Variants in CSMD3 observed in about 807,000 individuals in gnomAD.
The protein encoded by CSMD3 is CUB and Sushi multiple domains 3, also known as CUB and sushi domain-containing protein 3.
CSMD3 carries 177 observed loss-of-function variants against 435.2 expected under a neutral mutation model. That is an observed-to-expected ratio of 0.41 (90% CI 0.36 to 0.46). The LOEUF is 0.46. CSMD3 is among the 20% of genes least tolerant of loss of function. CSMD3 has a pLI of 0.34. For synonymous variants in CSMD3, 1,656 were observed against 1,520.5 expected (o/e 1.09, Z -2.07); for missense variants, 4,265 against 4,504.6 (o/e 0.95, Z 1.52).
At chr8:113,255,050 A>T (rs1315033297) in intron 3 of CSMD3, among the ~76,000 whole-genome samples, 1 of 152,178 alleles carries the variant, frequency 6.6e-6, no homozygotes, top group Non-Finnish European at 1.5e-5. Context: ...GGCAAGGACA[A>T]GCATTTCTTA....
intron 50 of CSMD3, among the ~76,000 whole-genome samples, chr8:112,309,101 A>G (rs1821713615): frequency 6.6e-6 from 1 of 152,010 alleles, no homozygotes; most frequent in South Asian, 2.1e-4. Flanking sequence ...TTTTTAAACT[A>G]TATTTCAACT....
chr8:112,854,868 C>T (rs951103444), intron 11 of CSMD3, among the ~76,000 whole-genome samples: 2 of 152,126 alleles, frequency 1.3e-5, no homozygotes, highest in South Asian at 4.1e-4. Flanking sequence ...ATATCCACCA[C>T]CATCACCTTT....
chr8:112,703,053 G>A (rs1388982292), intron 13 of CSMD3, among the ~76,000 whole-genome samples: 1 of 152,070 alleles, frequency 6.6e-6, no homozygotes, highest in East Asian at 1.9e-4. Flanking sequence ...AATTTAGCTA[G>A]CATCCTACTG....
chr8:112,341,824 T>A, intron 41 of CSMD3, 138 bp from the exon 42 acceptor site: 1 of 703,134 alleles, frequency 1.4e-6, no homozygotes, highest in Non-Finnish European at 2.5e-6. Context: ...ATCTGAGTCA[T>A]GGATTTGCTG....
chr8:113,194,671 T>A (rs2092630435), intron 3 of CSMD3, among the ~76,000 whole-genome samples: 1 of 151,152 alleles, frequency 6.6e-6, no homozygotes, highest in South Asian at 2.1e-4. Flanking sequence ...ACTTTCTGTA[T>A]TTTCTGCTCA....
At chr8:112,237,891 C>T (rs751410217) in intron 66 of CSMD3, among the ~76,000 whole-genome samples, 1 of 151,964 alleles carries the variant, frequency 6.6e-6, no homozygotes, top group Non-Finnish European at 1.5e-5. Context: ...CAGGGCTGCA[C>T]CATATTGATA....
At chr8:113,412,275 G>C (rs1330787883) in intron 1 of CSMD3, among the ~76,000 whole-genome samples, 1 of 152,130 alleles carries the variant, frequency 6.6e-6, no homozygotes, top group East Asian at 1.9e-4. Flanking sequence ...TCTTTTGGCA[G>C]TGTCTATAAA....
chr8:113,360,175 G>A (rs1196657295), intron 1 of CSMD3, among the ~76,000 whole-genome samples: 1 of 152,112 alleles, frequency 6.6e-6, no homozygotes, highest in Non-Finnish European at 1.5e-5. Flanking sequence ...TTGGGATGGT[G>A]GTGGGATGAG....
intron 22 of CSMD3, among the ~76,000 whole-genome samples, chr8:112,610,103 A>C (rs1311364355): frequency 6.6e-6 from 1 of 152,118 alleles, no homozygotes; most frequent in East Asian, 1.9e-4. Context: ...ACACAGCATG[A>C]TTACTATAGT....
intron 61 of CSMD3, chr8:112,255,796 C>G: frequency 3.9e-6 from 1 of 257,174 alleles, no homozygotes; most frequent in East Asian, 1.1e-4. Flanking sequence ...GTGTCCCTGT[C>G]AAAAAGAAGC....
At chr8:112,721,043 C>A (rs566118108) in intron 13 of CSMD3, among the ~76,000 whole-genome samples, 2 of 152,114 alleles carry the variant, frequency 1.3e-5, no homozygotes, top group East Asian at 3.9e-4. Context: ...CAGGGTCTAT[C>A]AAGAAGTTAG....
At chr8:113,129,424 C>A (rs1208766971) in intron 4 of CSMD3, among the ~76,000 whole-genome samples, 1 of 151,746 alleles carries the variant, frequency 6.6e-6, no homozygotes, top group African/African-American at 2.4e-5. Flanking sequence ...TAAGGCCAGG[C>A]CACTCAGGCT....
intron 5 of CSMD3, among the ~76,000 whole-genome samples, chr8:113,085,863 A>G (rs1475568489): frequency 6.6e-6 from 1 of 152,182 alleles, no homozygotes. Flanking sequence ...TTCTAGAACA[A>G]TAGAGGATGA....
chr8:112,704,142 TTC>T (rs372978462), intron 13 of CSMD3, among the ~76,000 whole-genome samples: 19 of 151,452 alleles, frequency 1.3e-4, no homozygotes, highest in Admixed American at 7.9e-4. Context: ...ACATATTTAA[TTC>T]TCTCTCTCTC....
At chr8:112,752,220 G>A (rs1252848924) in intron 13 of CSMD3, among the ~76,000 whole-genome samples, 1 of 152,048 alleles carries the variant, frequency 6.6e-6, no homozygotes, top group African/African-American at 2.4e-5. Flanking sequence ...ATACTCTGTT[G>A]GTTTTTCTCC....
intron 1 of CSMD3, among the ~76,000 whole-genome samples, chr8:113,432,732 G>A (rs1254212843): frequency 6.6e-6 from 1 of 152,162 alleles, no homozygotes; most frequent in Non-Finnish European, 1.5e-5. Flanking sequence ...ACAGCGCTGC[G>A]GTCCGCCTGG....
chr8:113,237,716 G>T (rs747475555), intron 3 of CSMD3, among the ~76,000 whole-genome samples: 4 of 152,156 alleles, frequency 2.6e-5, no homozygotes, highest in Non-Finnish European at 5.9e-5. Flanking sequence ...TTTTCTAAGT[G>T]TCAGAGTAAA....
At chr8:113,251,082 A>G (rs1481523232) in intron 3 of CSMD3, among the ~76,000 whole-genome samples, 1 of 152,172 alleles carries the variant, frequency 6.6e-6, no homozygotes, top group African/African-American at 2.4e-5. Flanking sequence ...CAAGTTATTC[A>G]GTATCTACTA....
intron 27 of CSMD3, among the ~76,000 whole-genome samples, chr8:112,519,575 A>G (rs1824061526): frequency 6.6e-6 from 1 of 152,192 alleles, no homozygotes; most frequent in Non-Finnish European, 1.5e-5. Flanking sequence ...AGAAATAATA[A>G]TAGTCACACA....
Sources: gnomAD v4.1 joint callset for allele counts (sites outside exome capture counted in the v4.1 genomes callset) on GRCh38, gnomAD v4.1.1 for gene constraint, MANE v1.5 for transcripts, NCBI Gene and HGNC (gene_info 2026-07-23, HGNC 2026-07-21) for gene names.